The following EPHA2 variants were observed in gnomAD, a reference collection of about 807,000 sequenced individuals.
EPHA2 encodes ephrin type-A receptor 2.
In EPHA2, 54 loss-of-function variants were observed where a neutral mutation model predicts 104.9. The observed-to-expected ratio is 0.51, with a 90% CI of 0.41 to 0.65. EPHA2 has a LOEUF of 0.65. EPHA2 is among the 30% of genes least tolerant of loss of function. The probability of loss-of-function intolerance (pLI) is 0.00; values close to 1 mark genes in which losing one functional copy is unlikely to be tolerated. For missense variants in EPHA2, 1,117 were observed against 1,369.5 expected (o/e 0.82, Z 2.91); for synonymous variants, 560 against 559.1 (o/e 1.00, Z -0.02).
rs1399886327 is a variant in EPHA2, at chr1:16,125,811, T to A, written c.2826-491A>T. Among the ~76,000 whole-genome samples the A allele has an allele frequency of 1.3e-5, 2 of 152,028 alleles. No homozygotes were observed. Among genetic ancestry groups the A allele is most frequent in the African/African-American group, 4.8e-5 (2 of 41,374 alleles). On this transcript the variant is annotated intron_variant, in intron 16 of 16. Transcript: ENST00000358432. This position sits in a 1 kb window ranked among gnomAD's most constrained non-coding sequence, Gnocchi z 4.9. ...GTTCCCAGTGCCCCCAGCTCAGGCCTCCTTCCCAGGAACTCTCTAGGGATG... is the reference window on the plus strand; with the variant it reads ...GTTCCCAGTGCCCCCAGCTCAGGCCACCTTCCCAGGAACTCTCTAGGGATG...
chr1:16,145,337 G>A (rs1008298391), intron 3 of EPHA2, among the ~76,000 whole-genome samples: 1 of 152,238 alleles, frequency 6.6e-6, no homozygotes, highest in Non-Finnish European at 1.5e-5. Flanking sequence ...TCATGGGAGC[G>A]CTCCGGGCAG....
rs113601761 is a variant in EPHA2, at chr1:16,134,752, G to A, written c.1583-185C>T. On this transcript the variant is annotated intron_variant, in intron 7 of 16. Transcript: ENST00000358432. This position sits in a 1 kb window ranked among gnomAD's most constrained non-coding sequence, Gnocchi z 4.5. ...AGGCCTTCCCGAAGGTCTCACGGGA[G>A]GTATTGCAGGTATGTGGGGCTCAAA... 3.9e-5 allele frequency among the ~76,000 whole-genome samples: 6 copies of A among 152,172 alleles called. No homozygotes were observed. Among genetic ancestry groups the A allele is most frequent in the African/African-American group, 1.4e-4 (6 of 41,416 alleles).
At chr1:16,143,339 G>A (rs1023974180) in intron 3 of EPHA2, among the ~76,000 whole-genome samples, 1 of 152,028 alleles carries the variant, frequency 6.6e-6, no homozygotes, top group Admixed American at 6.6e-5. Context: ...CAGGGCCAGA[G>A]AAATGAGCAG....
rs199586891 is a variant in EPHA2, at chr1:16,135,159, T to C, written c.1459A>G (p.Thr487Ala). 6.8e-6 allele frequency: 11 copies of C among 1,613,928 alleles called. No homozygotes were observed. In the South Asian group the frequency reaches 1.2e-4, roughly 18 times the overall value. ...GDSNSYNVRR[T>A]EGFSVTLDDL... ...TCCAGGGTCACGGAGAAACCCTCGG[T>C]GCGGCGCACATTGTAGCTGTTGGAG... The change falls in exon 7 of 17, where the codon ACC (threonine) becomes GCC (alanine). Residue 487 changes from threonine (T) to alanine (A), a missense_variant. By Grantham distance (58) the Thr-to-Ala change is moderately conservative (BLOSUM62 0). Coordinates refer to ENST00000358432, the MANE Select transcript of EPHA2 (RefSeq NM_004431.5). The surrounding 1 kb of genome is among the most constrained non-coding windows in gnomAD (Gnocchi z 4.3).
In EPHA2 at chr1:16,125,388, G is replaced by GGGA; in HGVS notation, c.2826-69_2826-68insTCC. ...AGGGGAGGGGGCCGGGCTGGGTGGG[G>GGGA]ACAGGACTCGGTGGGCGGCTGGGGA... On this transcript the variant is annotated intron_variant, in intron 16 of 16. Transcript: ENST00000358432. This position sits in a 1 kb window ranked among gnomAD's most constrained non-coding sequence, Gnocchi z 4.9. 5.3e-6 allele frequency: 2 copies of GGGA among 376,144 alleles called. No homozygotes were observed. The highest frequency in any genetic ancestry group is 6.0e-5 in the Admixed American group (2 of 33,506). 23.3% of individuals were successfully genotyped at this position (376,144 alleles called of 1,614,324 possible).
intron 9 of EPHA2, 107 bp from the exon 10 acceptor site, chr1:16,133,713 C>A: frequency 6.5e-7 from 1 of 1,548,868 alleles, no homozygotes; most frequent in South Asian, 1.2e-5. Flanking sequence ...TTGGACCAGG[C>A]TGTGGGGGAC....
chr1:16,155,541 C>T (rs906957644), intron 1 of EPHA2: 3 of 370,562 alleles, frequency 8.1e-6, no homozygotes, highest in Non-Finnish European at 1.4e-5. Context: ...ACTCCCCACG[C>T]CCCCCGCCGG....
intron 16 of EPHA2, among the ~76,000 whole-genome samples, chr1:16,126,219 G>A (rs1441555403): frequency 6.6e-6 from 1 of 151,962 alleles, no homozygotes; most frequent in East Asian, 1.9e-4. Context: ...ATGCCCCTCC[G>A]TCCCCTCATG....
In EPHA2 at chr1:16,135,317, A is replaced by G; in HGVS notation, c.1429-128T>C. ...TGTTAGCAAACTTGAGGCTCTTCTTACAGAGGAGGAAACTGAGGCTCGGAA... is the reference window on the plus strand; with the variant it reads ...TGTTAGCAAACTTGAGGCTCTTCTTGCAGAGGAGGAAACTGAGGCTCGGAA... On this transcript the variant is annotated intron_variant, in intron 6 of 16. Coordinates refer to ENST00000358432, the MANE Select transcript of EPHA2 (RefSeq NM_004431.5). The surrounding 1 kb of genome is among the most constrained non-coding windows in gnomAD (Gnocchi z 4.3). 8.1e-7 allele frequency: 1 copy of G among 1,241,298 alleles called. No individual in the cohort carries two copies. The highest frequency in any genetic ancestry group is 1.2e-6 in the Non-Finnish European group (1 of 864,316). The allele number at this position is 1,241,298 out of a possible 1,614,324, so 76.9% of individuals were successfully genotyped here. A position where few individuals can be genotyped will look rare whatever the true frequency, so the allele number is the denominator to read the frequency against.
In EPHA2 at chr1:16,149,052, G is replaced by T. The variant is rs369642940; in HGVS notation, c.154-5C>A. 6.8e-6 allele frequency: 11 copies of T among 1,611,842 alleles called. No homozygotes were observed. The highest frequency in any genetic ancestry group is 6.7e-5 in the Admixed American group (4 of 60,022). ...GATGTTCTGCATCAGGTCCCACTGT[G>T]GGGGGAAGATACAGGTTAGTGTGGG... On this transcript the variant is annotated splice_region_variant and splice_polypyrimidine_tract_variant and intron_variant, in intron 2 of 16. Coordinates refer to ENST00000358432, the MANE Select transcript of EPHA2 (RefSeq NM_004431.5).
At chr1:16,139,149 C>T (rs1318840360) in intron 3 of EPHA2, among the ~76,000 whole-genome samples, 2 of 152,164 alleles carry the variant, frequency 1.3e-5, no homozygotes, top group African/African-American at 4.8e-5. Flanking sequence ...GCCCAGCAGG[C>T]TGGGGGCTCA....
chr1:16,135,453 A>T lies in EPHA2; in HGVS notation c.1428+202T>A. 2 of 710,326 alleles carry T rather than the reference A, an allele frequency of 2.8e-6. No homozygotes were observed. The highest frequency in any genetic ancestry group is 4.9e-6 in the Non-Finnish European group (2 of 406,778). The allele number at this position is 710,326 out of a possible 1,614,324, so 44.0% of individuals were successfully genotyped here. A position where few individuals can be genotyped will look rare whatever the true frequency, so the allele number is the denominator to read the frequency against. On this transcript the variant is annotated intron_variant, in intron 6 of 16. Transcript: ENST00000358432. The surrounding 1 kb of genome is among the most constrained non-coding windows in gnomAD (Gnocchi z 4.3). ...GTCCTCACCCTGACTGCCTCTTCCAAGGACGCCATGTCTTCTCTCGTACAA... is the reference window on the plus strand; with the variant it reads ...GTCCTCACCCTGACTGCCTCTTCCATGGACGCCATGTCTTCTCTCGTACAA...
In EPHA2 at chr1:16,129,441, T is replaced by C. The variant is rs1172639272; in HGVS notation, c.2818A>G (p.Thr940Ala). 1 of 1,613,056 alleles carries C rather than the reference T, an allele frequency of 6.2e-7. No homozygotes were observed. Among genetic ancestry groups the C allele is most frequent in the African/African-American group, 1.3e-5 (1 of 74,886 alleles). The change falls in exon 16 of 17, where the codon ACC becomes GCC. Residue 940 changes from threonine (T) to alanine (A), a missense_variant. Thr to Ala is a moderately conservative substitution (Grantham distance 58). Around this residue, in one of 3 missense-constraint regions of EPHA2, gnomAD observed 340 missense variants for 480.5 expected, o/e 0.71. Transcript: ENST00000358432. ...GAAAGGGGCCTGACTTACTCGTTGG[T>C]CATCTGCACCACCTTCTCGATGGCA... ...YTAIEKVVQM[T>A]NDDIKRIGVR...
In EPHA2 at chr1:16,148,712, C is replaced by T. The variant is rs146626026; in HGVS notation, c.489G>A (p.Leu163=). ...GCCCCACGGAGCGCTCCTCCACGTTCAGCTTCACGTGGCGTGCCTCGAAGT... is the reference window on the plus strand; with the variant it reads ...GCCCCACGGAGCGCTCCTCCACGTTTAGCTTCACGTGGCGTGCCTCGAAGT... The part of the protein sequence containing the change: ...SSDFEARHVK[L]NVEERSVGPL... Residue 163 remains leucine, a synonymous_variant, in exon 3 of 17, where the codon CTG becomes CTA. Coordinates refer to ENST00000358432, the MANE Select transcript of EPHA2 (RefSeq NM_004431.5). The surrounding 1 kb of genome is among the most constrained non-coding windows in gnomAD (Gnocchi z 4.9). The T allele has an allele frequency of 2.6e-4, 414 of 1,613,452 alleles. No individual in the cohort carries two copies. In the African/African-American group the frequency reaches 5.1e-3, roughly 20 times the overall value.
intron 1 of EPHA2, among the ~76,000 whole-genome samples, chr1:16,152,831 A>G (rs1417766160): frequency 3.3e-5 from 5 of 152,142 alleles, no homozygotes; most frequent in South Asian, 2.1e-4. Flanking sequence ...CGGAGAAGAA[A>G]AGAAGCCCTC....
intron 1 of EPHA2, among the ~76,000 whole-genome samples, chr1:16,152,680 C>A (rs1043643382): frequency 2.0e-5 from 3 of 152,156 alleles, no homozygotes; most frequent in Non-Finnish European, 4.4e-5. Flanking sequence ...TCCTGCAGCC[C>A]CCCCTTAGAT....
Position 16,133,311 on chromosome 1 carries a change from A to G in EPHA2, c.1922T>C (p.Val641Ala), listed in dbSNP as rs752506022. ...MLKTSSGKKEVPVAIKTLKAG... is the reference protein window; with the variant it reads ...MLKTSSGKKEAPVAIKTLKAG... ...TTTCAGCGTCTTGATGGCCACCGGC[A>G]CCTCCTTCTTCCCCGAGGATGTCTT... is the stretch of plus-strand genomic sequence containing the variant. Residue 641 changes from valine to alanine, a missense_variant, in exon 11 of 17, where the codon GTG (valine) becomes GCG (alanine). By Grantham distance (64) the Val-to-Ala change is moderately conservative. Coordinates refer to ENST00000358432, the MANE Select transcript of EPHA2 (RefSeq NM_004431.5). 5.5e-5 allele frequency: 89 copies of G among 1,613,720 alleles called. 2 individuals carry two copies. In the South Asian group the frequency reaches 9.3e-4, roughly 17 times the overall value.
intron 15 of EPHA2, 108 bp from the exon 16 acceptor site, chr1:16,129,697 C>T (rs1040670327): frequency 2.7e-5 from 38 of 1,408,744 alleles, no homozygotes; most frequent in Non-Finnish European, 3.1e-5. Flanking sequence ...CCCGTGCCTC[C>T]GTCTCCTTAT....
At chr1:16,137,235 T>C (rs1368307749) in intron 5 of EPHA2, among the ~76,000 whole-genome samples, 1 of 151,150 alleles carries the variant, frequency 6.6e-6, no homozygotes, top group Non-Finnish European at 1.5e-5. Context: ...CTGTGGGCCA[T>C]AATGGAAGAA....
Sources: allele counts gnomAD v4.1 joint callset (sites outside exome capture counted in the v4.1 genomes callset), GRCh38; gene constraint gnomAD v4.1.1; regional missense constraint gnomAD v4.1.1; non-coding constraint Gnocchi (gnomAD v3.1); transcripts MANE v1.5; gene names NCBI Gene and HGNC (gene_info 2026-07-23, HGNC 2026-07-21).